CSMD1: variants seen among roughly 807,000 people sequenced by gnomAD.
CSMD1 encodes CUB and Sushi multiple domains 1.
A neutral mutation model predicts 417.5 loss-of-function variants in CSMD1; 213 were observed. That is an observed-to-expected ratio of 0.51 (90% CI 0.46 to 0.57). The LOEUF (loss-of-function observed/expected upper bound fraction) is 0.57. Among genes scored for constraint, CSMD1 ranks in the 20% least tolerant of loss-of-function variants. CSMD1 has a pLI of 0.00. For synonymous variants in CSMD1, 2,862 were observed against 1,736.8 expected (o/e 1.65, Z -16.11); for missense variants, 6,923 against 4,529.7 (o/e 1.53, Z -15.17).
chr8:4,375,587 C>G (rs552597130), intron 3 of CSMD1, among the ~76,000 whole-genome samples: 1 of 152,130 alleles, frequency 6.6e-6, no homozygotes, highest in Non-Finnish European at 1.5e-5. Flanking sequence ...AAGACTCCTA[C>G]TGAGGAAGAA....
intron 37 of CSMD1, among the ~76,000 whole-genome samples, chr8:3,166,130 G>C (rs1230513908): frequency 6.6e-6 from 1 of 152,072 alleles, no homozygotes; most frequent in Non-Finnish European, 1.5e-5. Flanking sequence ...AGGTAAGCTT[G>C]AGTCTATACA....
At chr8:4,541,138 C>T (rs994391441) in intron 2 of CSMD1, among the ~76,000 whole-genome samples, 1 of 152,096 alleles carries the variant, frequency 6.6e-6, no homozygotes, top group East Asian at 1.9e-4. Context: ...TTTTTTACCA[C>T]CAATTTAAGC....
chr8:4,204,058 G>C (rs945149670), intron 3 of CSMD1, among the ~76,000 whole-genome samples: 3 of 152,082 alleles, frequency 2.0e-5, no homozygotes, highest in African/African-American at 7.2e-5. Flanking sequence ...CTGAGATTGT[G>C]CCACTGTACT....
intron 18 of CSMD1, among the ~76,000 whole-genome samples, chr8:3,372,728 T>A (rs1186860742): frequency 1.3e-5 from 2 of 152,126 alleles, no homozygotes; most frequent in South Asian, 2.1e-4. Context: ...GCTCCAAGTC[T>A]GCTGGGCTTG....
At chr8:4,319,526 C>G (rs1163961465) in intron 3 of CSMD1, among the ~76,000 whole-genome samples, 1 of 152,044 alleles carries the variant, frequency 6.6e-6, no homozygotes, top group Non-Finnish European at 1.5e-5. Context: ...AATAAACAAA[C>G]AAACAAACAA....
At chr8:4,546,700 G>A (rs1797654362) in intron 2 of CSMD1, among the ~76,000 whole-genome samples, 2 of 152,022 alleles carry the variant, frequency 1.3e-5, no homozygotes, top group South Asian at 2.1e-4. Flanking sequence ...ATCATGAGAC[G>A]TCTCCGCCTT....
chr8:3,295,969 G>C (rs940591238), intron 25 of CSMD1, among the ~76,000 whole-genome samples: 3 of 152,078 alleles, frequency 2.0e-5, no homozygotes, highest in Non-Finnish European at 2.9e-5. Context: ...CCTTCGTGGA[G>C]TTCGTGTTGT....
At chr8:3,302,697 G>A (rs531427203) in intron 25 of CSMD1, among the ~76,000 whole-genome samples, 4 of 152,190 alleles carry the variant, frequency 2.6e-5, no homozygotes, top group South Asian at 2.1e-4. Flanking sequence ...GATGTGATCT[G>A]TCACCAGTGA....
chr8:3,926,570 A>T (rs1227846591), intron 5 of CSMD1, among the ~76,000 whole-genome samples: 1 of 151,896 alleles, frequency 6.6e-6, no homozygotes, highest in African/African-American at 2.4e-5. Flanking sequence ...TTTGATGATT[A>T]TTCTAACATT....
chr8:4,826,767 G>T lies in CSMD1; in HGVS notation c.85+167565C>A, dbSNP rs181313256. ...AGAGACAGTTCTGTTTTAAACATAG[G>T]AGCTCCCTCTGCTATATGGAAGTAC... On this transcript the variant is annotated intron_variant, in intron 1 of 69. Transcript: ENST00000635120. 2.6e-5 allele frequency among the ~76,000 whole-genome samples: 4 copies of T among 152,184 alleles called. 1 individual carries two copies. The highest frequency in any genetic ancestry group is 9.6e-5 in the African/African-American group (4 of 41,512).
chr8:3,811,494 T>G (rs1243848060), intron 5 of CSMD1, among the ~76,000 whole-genome samples: 1 of 152,162 alleles, frequency 6.6e-6, no homozygotes, highest in African/African-American at 2.4e-5. Context: ...CGAGTGCCTG[T>G]TGAGAGTTTT....
chr8:4,462,233 A>G (rs1429405653), intron 2 of CSMD1, among the ~76,000 whole-genome samples: 1 of 152,182 alleles, frequency 6.6e-6, no homozygotes, highest in Non-Finnish European at 1.5e-5. Context: ...ATTTAAAAAG[A>G]AAACAATCCC....
At chr8:4,718,524 A>T (rs17071118) in intron 1 of CSMD1, among the ~76,000 whole-genome samples, 6,878 of 152,216 alleles carry the variant, frequency 0.045, 153 homozygotes, top group East Asian at 0.081. Context: ...AATATTTTAC[A>T]TTAAGTACTA....
At position 4,587,616 on chromosome 8, in the gene CSMD1, T is replaced by C. The variant is rs189449821; in HGVS notation, c.302+49726A>G. ...GAAATAAGCTTTACTTACAAATAAT[T>C]GTACTCAGACTCATGATCACGATCT... On this transcript the variant is annotated intron_variant, in intron 2 of 69. Transcript: ENST00000635120. Among the ~76,000 whole-genome samples the C allele has an allele frequency of 1.6e-4, 24 of 152,244 alleles. No homozygotes were observed. In the East Asian group the frequency reaches 4.1e-3, roughly 26 times the overall value.
chr8:4,491,847 G>T (rs1041010689), intron 2 of CSMD1, among the ~76,000 whole-genome samples: 3 of 152,274 alleles, frequency 2.0e-5, no homozygotes, highest in South Asian at 4.1e-4. Context: ...CTTACTGTAC[G>T]ATCCAGCAAC....
chr8:4,693,548 T>A (rs928159244), intron 1 of CSMD1, among the ~76,000 whole-genome samples: 2 of 152,236 alleles, frequency 1.3e-5, no homozygotes, highest in Admixed American at 1.3e-4. Context: ...ATTTTTTTAT[T>A]TTAAATATGC....
In CSMD1 at chr8:3,369,118, A is replaced by C. The variant is rs529948765; in HGVS notation, c.2899+136T>G. ...TGTTCTTCCAAAATCTTATTAAATA[A>C]TAAGTTAAAATCTTGAACTATACAT... On this transcript the variant is annotated intron_variant, in intron 19 of 69. Transcript: ENST00000635120. 5 of 538,682 alleles carry C rather than the reference A, an allele frequency of 9.3e-6. No individual in the cohort carries two copies. The African/African-American group carries it at 9.6e-5, about 10-fold the overall frequency. The allele number at this position is 538,682 out of a possible 1,614,324, so 33.4% of individuals were successfully genotyped here. A position where few individuals can be genotyped will look rare whatever the true frequency, so the allele number is the denominator to read the frequency against.
chr8:4,609,081 C>A (rs1194204001), intron 2 of CSMD1, among the ~76,000 whole-genome samples: 1 of 151,722 alleles, frequency 6.6e-6, no homozygotes, highest in African/African-American at 2.4e-5. Flanking sequence ...TTTCAGGTTA[C>A]TGAGTTTTAG....
At chr8:3,446,266 G>A (rs1416177470) in intron 12 of CSMD1, among the ~76,000 whole-genome samples, 2 of 152,206 alleles carry the variant, frequency 1.3e-5, no homozygotes, top group South Asian at 2.1e-4. Context: ...AATCGGAAAC[G>A]TGTGCTGCAT....
Sources: allele counts gnomAD v4.1 joint callset (sites outside exome capture counted in the v4.1 genomes callset), GRCh38; gene constraint gnomAD v4.1.1; transcripts MANE v1.5; gene names NCBI Gene and HGNC (gene_info 2026-07-23, HGNC 2026-07-21).